LAMC2: variants seen among roughly 807,000 people sequenced by gnomAD.
The protein encoded by LAMC2 is laminin subunit gamma-2.
Under a neutral mutation model 140.2 loss-of-function variants are expected in LAMC2, and 97 were observed. The observed-to-expected ratio is 0.69, with a 90% CI of 0.59 to 0.82. The LOEUF is 0.82. LAMC2 is among the 40% of genes least tolerant of loss of function. The pLI is 0.00. For synonymous variants in LAMC2, 513 were observed against 540.2 expected (o/e 0.95, Z 0.70); for missense variants, 1,402 against 1,476.1 (o/e 0.95, Z 0.82).
At chr1:183,213,895 G>A (rs1338692603) in intron 2 of LAMC2, among the ~76,000 whole-genome samples, 4 of 151,548 alleles carry the variant, frequency 2.6e-5, no homozygotes, top group East Asian at 1.9e-4. Flanking sequence ...GAGAAACCCC[G>A]TCTCTACTAA....
chr1:183,190,629 AG>A, intron 1 of LAMC2, among the ~76,000 whole-genome samples: 1 of 152,180 alleles, frequency 6.6e-6, no homozygotes. Flanking sequence ...ATTCAAAGAA[AG>A]GATTTGGACA....
chr1:183,205,892 CATG>C (rs1292872857), intron 1 of LAMC2, among the ~76,000 whole-genome samples: 1 of 151,902 alleles, frequency 6.6e-6, no homozygotes, highest in Admixed American at 6.6e-5. Context: ...AGCAAAAACA[CATG>C]ATGAAAATTA....
intron 10 of LAMC2, 26 bp downstream of exon 10, chr1:183,227,723 C>G: frequency 6.2e-7 from 1 of 1,603,076 alleles, no homozygotes; most frequent in South Asian, 1.1e-5. Flanking sequence ...TGCTCTGCCA[C>G]CTGCCTCTTC....
At chr1:183,246,083 T>C (rs536549416), downstream of LAMC2, among the ~76,000 whole-genome samples, 1 of 148,248 alleles carries the variant, frequency 6.7e-6, no homozygotes, top group South Asian at 2.1e-4. Flanking sequence ...GGCAGGAGAA[T>C]GGCGTGAACC....
intron 1 of LAMC2, among the ~76,000 whole-genome samples, chr1:183,188,225 G>A (rs948429707): frequency 2.0e-5 from 3 of 152,120 alleles, no homozygotes; most frequent in African/African-American, 7.2e-5. Flanking sequence ...TTCATTTTTG[G>A]ATTCAATGGG....
chr1:183,222,234 T>C (rs752001579), intron 6 of LAMC2, 23 bp downstream of exon 6: 2 of 1,612,004 alleles, frequency 1.2e-6, no homozygotes, highest in Non-Finnish European at 1.7e-6. Context: ...TAATGTCTCC[T>C]ATAGAGGCCA....
rs1292417464 is a variant in LAMC2 at position 183,232,252 on chromosome 1, T to C, written c.1923T>C (p.Asp641=). ...TGATTTCAAAGGCTCAGGGTGGTGA[T>C]GGAGTAGTACCTGATACAGAGCTGG... ...EALISKAQGG[D]GVVPDTELEG... Residue 641 remains aspartate, a synonymous_variant, in exon 13 of 23, where the codon GAT becomes GAC. Transcript: ENST00000264144. The C allele has an allele frequency of 1.9e-6, 3 of 1,613,922 alleles. No individual in the cohort carries two copies. The highest frequency in any genetic ancestry group is 2.2e-5 in the East Asian group (1 of 44,886).
intron 1 of LAMC2, among the ~76,000 whole-genome samples, chr1:183,188,809 T>A (rs1043115046): frequency 1.3e-5 from 2 of 152,192 alleles, no homozygotes; most frequent in Admixed American, 1.3e-4. Context: ...TCTTAGTTCA[T>A]AGCAGGAGGT....
Position 183,222,632 on chromosome 1 carries a change from G to A in LAMC2, c.763+421G>A, listed in dbSNP as rs965281179. 9.2e-5 allele frequency among the ~76,000 whole-genome samples: 14 copies of A among 151,360 alleles called. No homozygotes were observed. The South Asian group carries it at 1.5e-3, about 16-fold the overall frequency. The stretch of plus-strand genomic sequence containing the variant: ...GTGGTACGTGCCTTGGTGGAAAAGC[G>A]CTGGCTAGAATTCCGATCCCAGTTC... On this transcript the variant is annotated intron_variant, in intron 6 of 22. Transcript: ENST00000264144.
At chr1:183,239,232 A>G in intron 19 of LAMC2, 132 bp from the exon 20 acceptor site, 1 of 856,042 alleles carries the variant, frequency 1.2e-6, no homozygotes, top group Non-Finnish European at 2.0e-6. Flanking sequence ...TTCCAGCCGT[A>G]ACTTCCCACA....
intron 3 of LAMC2, among the ~76,000 whole-genome samples, chr1:183,217,090 C>G (rs1659291836): frequency 6.6e-6 from 1 of 152,108 alleles, no homozygotes; most frequent in South Asian, 2.1e-4. Context: ...CATTGCTAGA[C>G]TTGGCATGTG....
At chr1:183,215,025 C>T (rs12407918) in intron 2 of LAMC2, among the ~76,000 whole-genome samples, 39,280 of 152,046 alleles carry the variant, frequency 0.26, 5,879 homozygotes, top group African/African-American at 0.39. Flanking sequence ...AATCATACCA[C>T]ATAAGCACTG....
rs1384336723 is a variant in LAMC2, at chr1:183,232,399, TG to T, written c.2014+58del. 6 of 1,585,280 alleles carry T rather than the reference TG, an allele frequency of 3.8e-6. No homozygotes were observed. In the African/African-American group the frequency reaches 8.0e-5, roughly 21 times the overall value. ...AGAGAATTCATAGTCCTAGAAGGAATGGCTACGTTAGGTCATAGAATCTTCT... is the reference window on the plus strand; with the variant it reads ...AGAGAATTCATAGTCCTAGAAGGAATGCTACGTTAGGTCATAGAATCTTCT... On this transcript the variant is annotated intron_variant, in intron 13 of 22. Transcript: ENST00000264144.
At chr1:183,189,196 A>T (rs1658247388) in intron 1 of LAMC2, among the ~76,000 whole-genome samples, 2 of 152,200 alleles carry the variant, frequency 1.3e-5, no homozygotes, top group Admixed American at 1.3e-4. Context: ...GGATATGAGT[A>T]TAGGAAAGTT....
At chr1:183,236,976 C>T (rs1363805476) in intron 17 of LAMC2, among the ~76,000 whole-genome samples, 1 of 152,072 alleles carries the variant, frequency 6.6e-6, no homozygotes, top group Non-Finnish European at 1.5e-5. Flanking sequence ...AAAAGTTTTG[C>T]ATTGTTTCTG....
At chr1:183,189,877 G>A (rs1658272213) in intron 1 of LAMC2, among the ~76,000 whole-genome samples, 1 of 152,200 alleles carries the variant, frequency 6.6e-6, no homozygotes, top group African/African-American at 2.4e-5. Context: ...TTCCAGAACG[G>A]CGAATTCAGA....
chr1:183,206,056 G>A (rs1027316958), intron 1 of LAMC2, among the ~76,000 whole-genome samples: 2 of 152,156 alleles, frequency 1.3e-5, no homozygotes, highest in African/African-American at 4.8e-5. Context: ...GGAAAGATGA[G>A]GGCTTTGGAG....
intron 1 of LAMC2, among the ~76,000 whole-genome samples, chr1:183,193,017 G>T (rs483783): frequency 0.57 from 86,808 of 152,038 alleles, 25,532 homozygotes; most frequent in East Asian, 0.73. Flanking sequence ...AATTTTCATT[G>T]AAACTAATCT....
chr1:183,187,378 T>A (rs1223441831), intron 1 of LAMC2, among the ~76,000 whole-genome samples: 1 of 152,286 alleles, frequency 6.6e-6, no homozygotes, highest in East Asian at 1.9e-4. Flanking sequence ...TTGAGTGGCA[T>A]GAATAATGTT....
Sources: allele counts gnomAD v4.1 joint callset (sites outside exome capture counted in the v4.1 genomes callset), GRCh38; gene constraint gnomAD v4.1.1; transcripts MANE v1.5; gene names NCBI Gene and HGNC (gene_info 2026-07-23, HGNC 2026-07-21).